Variants in TRIM28 observed in about 807,000 individuals in gnomAD.
TRIM28 encodes transcription intermediary factor 1-beta.
In TRIM28, 8 loss-of-function variants were observed where a neutral mutation model predicts 87.4. The ratio of observed to expected loss-of-function variants is 0.09; its 90% CI spans 0.05 to 0.17. The LOEUF (loss-of-function observed/expected upper bound fraction) is 0.17. Ranked by LOEUF, TRIM28 falls within the 10% of genes least tolerant of loss-of-function variation. The probability of loss-of-function intolerance (pLI) is 1.00; values close to 1 mark genes in which losing one functional copy is unlikely to be tolerated. For synonymous variants in TRIM28, 601 were observed against 454.3 expected (o/e 1.32, Z -4.11); for missense variants, 968 against 1,131.8 (o/e 0.86, Z 2.08).
At chr19:58,547,949 C>A (rs777244956) in intron 6 of TRIM28, 43 bp downstream of exon 6, 4 of 1,613,570 alleles carry the variant, frequency 2.5e-6, no homozygotes, top group Non-Finnish European at 8.5e-7. Context: ...GCCCCCTCTG[C>A]TGATTGATGA....
In TRIM28 at chr19:58,549,885, G is replaced by A. The variant is rs2053799263; in HGVS notation, c.2106+25G>A. On this transcript the variant is annotated intron_variant, in intron 14 of 16. Coordinates refer to ENST00000253024, the MANE Select transcript of TRIM28 (RefSeq NM_005762.3). The surrounding 1 kb of genome is among the most constrained non-coding windows in gnomAD (Gnocchi z 4.4). ...GGTGAGGGCTGGGGTTACTTAGGTG[G>A]GGTTGCCCAGAGAGGCTTTATAGGT... 1 of 1,613,534 alleles carries A rather than the reference G, an allele frequency of 6.2e-7. No individual in the cohort carries two copies. Among genetic ancestry groups the A allele is most frequent in the East Asian group, 2.2e-5 (1 of 44,856 alleles).
rs376588378 is a variant in TRIM28 at position 58,547,418 on chromosome 19, A to T, written c.629A>T (p.Asn210Ile). Reference protein sequence around the residue: ...SRDGERTVYCNVHKHEPLVLF... With the variant: ...SRDGERTVYCIVHKHEPLVLF... ...GATGGTGAACGTACTGTCTATTGCAACGTACACAAGCATGAACCCCTTGTG... is the reference window on the plus strand; with the variant it reads ...GATGGTGAACGTACTGTCTATTGCATCGTACACAAGCATGAACCCCTTGTG... The change falls in exon 4 of 17, where the codon AAC (asparagine) becomes ATC (isoleucine). Residue 210 changes from asparagine to isoleucine, a missense_variant. By Grantham distance (149) the Asn-to-Ile change is moderately radical. This residue lies in a region of TRIM28 where 103 missense variants were observed against 139.0 expected (regional missense o/e 0.74). Coordinates refer to ENST00000253024, the MANE Select transcript of TRIM28 (RefSeq NM_005762.3). 3 of 1,614,038 alleles carry T rather than the reference A, an allele frequency of 1.9e-6. No individual in the cohort carries two copies. Among genetic ancestry groups the T allele is most frequent in the Non-Finnish European group, 2.5e-6 (3 of 1,179,996 alleles).
In TRIM28 at chr19:58,548,200, T is replaced by G; in HGVS notation, c.1101+20T>G. The G allele has an allele frequency of 6.2e-7, 1 of 1,613,658 alleles. No homozygotes were observed. The highest frequency in any genetic ancestry group is 1.1e-5 in the South Asian group (1 of 91,082). On this transcript the variant is annotated intron_variant, in intron 7 of 16. Transcript: ENST00000253024. ...AAGTTGGTGTGTACTGGTGGGCTCC[T>G]GGCTGGTGGGTTCCAGGCAGGTGGT...
chr19:58,544,825 G>A lies in TRIM28; in HGVS notation c.68G>A (p.Gly23Asp), dbSNP rs2053745309. ...ASAASGSPGP[G>D]EGSAGGEKRS... ...GCCGCCTCTGGCAGCCCGGGCCCGGGCGAGGGCTCCGCTGGCGGCGAAAAG... is the reference window on the plus strand; with the variant it reads ...GCCGCCTCTGGCAGCCCGGGCCCGGACGAGGGCTCCGCTGGCGGCGAAAAG... Residue 23 changes from glycine (G) to aspartate (D), a missense_variant, in exon 1 of 17, where the codon GGC (glycine) becomes GAC (aspartate). By Grantham distance (94) the Gly-to-Asp change is moderately conservative (BLOSUM62 -1). Coordinates refer to ENST00000253024, the MANE Select transcript of TRIM28 (RefSeq NM_005762.3). 3.2e-6 allele frequency: 4 copies of A among 1,267,340 alleles called. No individual in the cohort carries two copies. Among genetic ancestry groups the A allele is most frequent in the Non-Finnish European group, 3.0e-6 (3 of 1,006,426 alleles). The allele number at this position is 1,267,340 out of a possible 1,614,324, so 78.5% of individuals were successfully genotyped here. A position where few individuals can be genotyped will look rare whatever the true frequency, so the allele number is the denominator to read the frequency against.
rs545502140 is a variant in TRIM28 at position 58,550,705 on chromosome 19, C to T, written c.*152C>T. The T allele has an allele frequency of 6.0e-6, 5 of 830,754 alleles. 1 individual carries two copies. The highest frequency in any genetic ancestry group is 5.5e-5 in the South Asian group (3 of 54,594). 51.5% of individuals were successfully genotyped at this position (830,754 alleles called of 1,614,324 possible). On this transcript the variant is annotated 3_prime_UTR_variant, in exon 17 of 17. Coordinates refer to ENST00000253024, the MANE Select transcript of TRIM28 (RefSeq NM_005762.3). ...TTTACTTCTGTGGATTTAATAAAAA[C>T]TTCACCAGTTCCTCAGGCGTTGGCT... is the stretch of plus-strand genomic sequence containing the variant.
At chr19:58,550,082 C>T (rs943095242) in intron 15 of TRIM28, 47 bp downstream of exon 15, 1 of 1,613,528 alleles carries the variant, frequency 6.2e-7, no homozygotes, top group South Asian at 1.1e-5. Flanking sequence ...GCTGCTGGGT[C>T]TCGCCCTCAA....
Position 58,549,212 on chromosome 19 carries a change from C to T in TRIM28, c.1634C>T (p.Pro545Leu), listed in dbSNP as rs2053790799. The part of the protein sequence containing the change: ...GTAPAGTPGA[P>L]PLAGMAIVKE... ...GCGCCTGCAGGAACCCCTGGTGCCC[C>T]ACCCCTGGCTGGCATGGCCATTGTC... The change falls in exon 12 of 17, where the codon CCA becomes CTA. Residue 545 changes from proline to leucine, a missense_variant. Coordinates refer to ENST00000253024, the MANE Select transcript of TRIM28 (RefSeq NM_005762.3). The surrounding 1 kb of genome is among the most constrained non-coding windows in gnomAD (Gnocchi z 4.4). 1 of 1,613,758 alleles carries T rather than the reference C, an allele frequency of 6.2e-7. No homozygotes were observed. The highest frequency in any genetic ancestry group is 8.5e-7 in the Non-Finnish European group (1 of 1,179,826).
Position 58,545,547 on chromosome 19 carries a change from A to T in TRIM28, c.453+10A>T. 6.2e-7 allele frequency: 1 copy of T among 1,600,820 alleles called. No homozygotes were observed. Among genetic ancestry groups the T allele is most frequent in the African/African-American group, 1.3e-5 (1 of 74,766 alleles). Reference sequence around the variant, plus strand: ...CCAGGATGCGAACCAGGTGCGTCCTATCTCAGCAACCACAAGGAGGTTTCT... The same window carrying T: ...CCAGGATGCGAACCAGGTGCGTCCTTTCTCAGCAACCACAAGGAGGTTTCT... On this transcript the variant is annotated intron_variant, in intron 2 of 16. Transcript: ENST00000253024.
chr19:58,548,465 G>C, intron 8 of TRIM28, 21 bp from the exon 9 acceptor site: 1 of 1,614,014 alleles, frequency 6.2e-7, no homozygotes, highest in Non-Finnish European at 8.5e-7. Context: ...ACCTACTTAC[G>C]TTTCTCTCTT....
At chr19:58,546,719 A>G (rs1303922211) in intron 3 of TRIM28, among the ~76,000 whole-genome samples, 1 of 152,098 alleles carries the variant, frequency 6.6e-6, no homozygotes, top group East Asian at 1.9e-4. Context: ...GGTATGTGGG[A>G]CCAGTGTGTT....
chr19:58,548,272 C>T lies in TRIM28; in HGVS notation c.1102-22C>T, dbSNP rs764133661. ...TTTGTTGTTGGTGTGCTCATTCTTT[C>T]CTCCCTTTCACTCCCAACCAGATCT... On this transcript the variant is annotated intron_variant, in intron 7 of 16. Transcript: ENST00000253024. 2.4e-5 allele frequency: 38 copies of T among 1,613,884 alleles called. No individual in the cohort carries two copies. The East Asian group carries it at 2.5e-4, about 10-fold the overall frequency.
chr19:58,545,936 ATG>A (rs767451956), intron 3 of TRIM28, 40 bp downstream of exon 3: 1 of 1,564,454 alleles, frequency 6.4e-7, no homozygotes. Context: ...TTGTTCTCCC[ATG>A]TGTGCCCTCA....
rs1393854470 is a variant in TRIM28, at chr19:58,547,622, A to G, written c.748A>G (p.Arg250Gly). 6.2e-7 allele frequency: 1 copy of G among 1,614,078 alleles called. No individual in the cohort carries two copies. The highest frequency in any genetic ancestry group is 8.5e-7 in the Non-Finnish European group (1 of 1,180,026). The change falls in exon 5 of 17, where the codon AGG becomes GGG. Residue 250 changes from arginine (R) to glycine (G), a missense_variant. Transcript: ENST00000253024. ...GTACCAGTTCTTAGAGGATGCAGTG[A>G]GGAACCAGCGCAAGCTCCTGGCCTC... ...HQYQFLEDAV[R>G]NQRKLLASLV...
rs979351702 is a variant in TRIM28, at chr19:58,544,840, G to T, written c.83G>T (p.Gly28Val). The T allele has an allele frequency of 6.6e-5, 85 of 1,281,722 alleles. No homozygotes were observed. Among genetic ancestry groups the T allele is most frequent in the Non-Finnish European group, 7.5e-5 (76 of 1,014,854 alleles). The allele number at this position is 1,281,722 out of a possible 1,614,324, so 79.4% of individuals were successfully genotyped here. ...GSPGPGEGSAGGEKRSTAPSA... is the reference protein window; with the variant it reads ...GSPGPGEGSAVGEKRSTAPSA... ...CCGGGCCCGGGCGAGGGCTCCGCTG[G>T]CGGCGAAAAGCGCTCCACCGCCCCT... The change falls in exon 1 of 17, where the codon GGC (glycine) becomes GTC (valine). Residue 28 changes from glycine to valine, a missense_variant. This residue lies in a region of TRIM28 where 208 missense variants were observed against 170.9 expected (regional missense o/e 1.22). Transcript: ENST00000253024.
intron 1 of TRIM28, 137 bp downstream of exon 1, chr19:58,545,234 C>T (rs1434658957): frequency 2.1e-6 from 2 of 947,694 alleles, no homozygotes; most frequent in Non-Finnish European, 3.1e-6. Flanking sequence ...CTGGGTCCTG[C>T]ATACGAACGT....
chr19:58,550,021 T>C lies in TRIM28; in HGVS notation c.2179T>C (p.Ser727Pro), dbSNP rs762830868. ...CCCCCTGCATCAGCTGGCTACCGAC[T>C]CCACCTTCTCCCTGGTGAGTCCTAG... is the stretch of plus-strand genomic sequence containing the variant. ...CRPLHQLATD[S>P]TFSLDQPGGT... The change falls in exon 15 of 17, where the codon TCC (serine) becomes CCC (proline). Residue 727 changes from serine to proline, a missense_variant. Ser to Pro is a moderately conservative substitution (Grantham distance 74). Transcript: ENST00000253024. The C allele has an allele frequency of 2.0e-5, 33 of 1,614,080 alleles. No individual in the cohort carries two copies. The highest frequency in any genetic ancestry group is 2.8e-5 in the Non-Finnish European group (33 of 1,179,984).
Position 58,550,523 on chromosome 19 carries a change from G to A in TRIM28, c.2478G>A (p.Glu826=). The change falls in exon 17 of 17, where the codon GAG becomes GAA. Residue 826 remains glutamate (E), a synonymous_variant. Transcript: ENST00000253024. ...SLPGAGLSSQ[E]LSGGPGDGP ...CTGGTGCTGGCCTGAGTTCCCAGGA[G>A]CTGTCTGGTGGCCCTGGTGATGGCC... The A allele has an allele frequency of 6.2e-7, 1 of 1,610,938 alleles. No individual in the cohort carries two copies. The highest frequency in any genetic ancestry group is 8.5e-7 in the Non-Finnish European group (1 of 1,179,960).
At position 58,548,453 on chromosome 19, in the gene TRIM28, G is replaced by A. The variant is rs759014403; in HGVS notation, c.1217-33G>A. 3 of 1,613,984 alleles carry A rather than the reference G, an allele frequency of 1.9e-6. No homozygotes were observed. The Admixed American group carries it at 5.0e-5, about 27-fold the overall frequency. ...TCACTCTGTTATTACCCCACGTGCT[G>A]CACCTACTTACGTTTCTCTCTTCTT... is the stretch of plus-strand genomic sequence containing the variant. On this transcript the variant is annotated intron_variant, in intron 8 of 16. Coordinates refer to ENST00000253024, the MANE Select transcript of TRIM28 (RefSeq NM_005762.3).
Position 58,545,685 on chromosome 19 carries a change from C to A in TRIM28, c.454-79C>A. 10 of 1,565,198 alleles carry A rather than the reference C, an allele frequency of 6.4e-6. No individual in the cohort carries two copies. In the South Asian group the frequency reaches 1.2e-4, roughly 18 times the overall value. ...TTGGGTCAAGGGACCAATCTTAAAT[C>A]TCCGGTTGTATTTTCTGGGATGTAA... is the stretch of plus-strand genomic sequence containing the variant. On this transcript the variant is annotated intron_variant, in intron 2 of 16. Coordinates refer to ENST00000253024, the MANE Select transcript of TRIM28 (RefSeq NM_005762.3).
Sources: gnomAD v4.1 joint callset for allele counts (sites outside exome capture counted in the v4.1 genomes callset) on GRCh38, gnomAD v4.1.1 for gene constraint, gnomAD v4.1.1 regional missense constraint, Gnocchi (gnomAD v3.1) non-coding constraint, MANE v1.5 for transcripts, NCBI Gene and HGNC (gene_info 2026-07-23, HGNC 2026-07-21) for gene names.